The following ULK4 variants were observed in gnomAD, a reference collection of about 807,000 sequenced individuals.
ULK4 encodes the protein unc-51 like kinase 4.
A neutral mutation model predicts 160.6 loss-of-function variants in ULK4; 133 were observed. The observed-to-expected ratio is 0.83, with a 90% CI of 0.72 to 0.96. The LOEUF (loss-of-function observed/expected upper bound fraction) is 0.96, where lower values mean the gene tolerates loss of function less well. ULK4 is among the 40% of genes least tolerant of loss of function. ULK4 has a pLI of 0.00. For missense variants in ULK4, 1,580 were observed against 1,499.5 expected (o/e 1.05, Z -0.89); for synonymous variants, 534 against 539.8 (o/e 0.99, Z 0.15).
At position 41,927,179 on chromosome 3, in the gene ULK4, T is replaced by C. The variant is rs1005343166; in HGVS notation, c.541+4665A>G. On this transcript the variant is annotated intron_variant, in intron 5 of 36. Coordinates refer to ENST00000301831, the MANE Select transcript of ULK4 (RefSeq NM_017886.4). ...AAAAACTCTACAAGCCAGAAAAGAG[T>C]GGGGGTCAATATTCAACATTCTTAA... is the stretch of plus-strand genomic sequence containing the variant. Among the ~76,000 whole-genome samples, 3 of 152,080 alleles carry C rather than the reference T, an allele frequency of 2.0e-5. No homozygotes were observed. In the East Asian group the frequency reaches 5.8e-4, roughly 29 times the overall value.
At chr3:41,380,944 C>A (rs1456880193) in intron 35 of ULK4, among the ~76,000 whole-genome samples, 1 of 152,134 alleles carries the variant, frequency 6.6e-6, no homozygotes, top group East Asian at 1.9e-4. Context: ...TGCCCCTGAG[C>A]TGCTGGGCCT....
intron 35 of ULK4, among the ~76,000 whole-genome samples, chr3:41,354,285 C>T (rs1249111916): frequency 2.6e-5 from 4 of 152,138 alleles, no homozygotes; most frequent in Non-Finnish European, 4.4e-5. Flanking sequence ...ATGTTGATAT[C>T]ATGAACTCAT....
chr3:41,506,647 C>T (rs1005925825), intron 32 of ULK4, among the ~76,000 whole-genome samples: 1 of 150,540 alleles, frequency 6.6e-6, no homozygotes, highest in Admixed American at 6.6e-5. Context: ...CTCTCTATTC[C>T]TGACTTTCGA....
chr3:41,838,720 C>A (rs900100304), intron 17 of ULK4, among the ~76,000 whole-genome samples: 1 of 152,150 alleles, frequency 6.6e-6, no homozygotes, highest in East Asian at 1.9e-4. Context: ...TATCACTCAA[C>A]AAAAGAGCTG....
intron 30 of ULK4, among the ~76,000 whole-genome samples, chr3:41,619,064 C>T (rs2033118621): frequency 6.6e-6 from 1 of 151,936 alleles, no homozygotes; most frequent in Non-Finnish European, 1.5e-5. Context: ...GGGATCAATG[C>T]AACAAGAAGA....
At chr3:41,927,162 T>C (rs193287346) in intron 5 of ULK4, among the ~76,000 whole-genome samples, 399 of 152,274 alleles carry the variant, frequency 2.6e-3, no homozygotes, top group Non-Finnish European at 4.4e-3. Flanking sequence ...GCAAAAACTC[T>C]ACAAGCCAGA....
At chr3:41,775,148 C>T (rs192831645) in intron 21 of ULK4, among the ~76,000 whole-genome samples, 9 of 149,606 alleles carry the variant, frequency 6.0e-5, no homozygotes, top group Non-Finnish European at 1.0e-4. Flanking sequence ...GTGCAGCACA[C>T]CAACATGGCA....
At chr3:41,455,339 G>A (rs1433323032) in intron 34 of ULK4, among the ~76,000 whole-genome samples, 158 bp downstream of exon 34, 1 of 152,198 alleles carries the variant, frequency 6.6e-6, no homozygotes, top group African/African-American at 2.4e-5. Flanking sequence ...AAATAAAGTA[G>A]AGATTTAGTT....
At chr3:41,956,255 A>C (rs1443486395) in intron 1 of ULK4, among the ~76,000 whole-genome samples, 10 of 152,196 alleles carry the variant, frequency 6.6e-5, no homozygotes, top group Admixed American at 5.2e-4. Context: ...GACTGCAACC[A>C]ATAGACCGAT....
At chr3:41,784,498 T>G (rs753376062) in intron 21 of ULK4, among the ~76,000 whole-genome samples, 6 of 152,342 alleles carry the variant, frequency 3.9e-5, no homozygotes, top group Middle Eastern at 3.4e-3. Context: ...TTACTTTGAT[T>G]TTTAATCAAA....
At chr3:41,593,692 T>C (rs1305308908) in intron 31 of ULK4, among the ~76,000 whole-genome samples, 6 of 152,180 alleles carry the variant, frequency 3.9e-5, no homozygotes, top group Non-Finnish European at 8.8e-5. Context: ...CTTTATATTT[T>C]AGTTTTTATA....
chr3:41,833,526 G>T (rs2041661123), intron 18 of ULK4, among the ~76,000 whole-genome samples: 1 of 152,006 alleles, frequency 6.6e-6, no homozygotes, highest in Non-Finnish European at 1.5e-5. Flanking sequence ...TTGATCTCCT[G>T]ACCTCATGAT....
intron 34 of ULK4, among the ~76,000 whole-genome samples, chr3:41,427,859 A>G (rs2082812163): frequency 6.6e-6 from 1 of 150,856 alleles, no homozygotes; most frequent in Non-Finnish European, 1.5e-5. Flanking sequence ...AAAAACTGGC[A>G]CAAGACAAGG....
At chr3:41,878,165 T>C (rs560317253) in intron 17 of ULK4, among the ~76,000 whole-genome samples, 32 of 150,284 alleles carry the variant, frequency 2.1e-4, no homozygotes, top group African/African-American at 6.4e-4. Context: ...AGATTCCTTA[T>C]AGAAGTGGTT....
At position 41,615,722 on chromosome 3, in the gene ULK4, T is replaced by C. The variant is rs918155117; in HGVS notation, c.3072-5A>G. On this transcript the variant is annotated splice_region_variant and splice_polypyrimidine_tract_variant and intron_variant, in intron 30 of 36. Coordinates refer to ENST00000301831, the MANE Select transcript of ULK4 (RefSeq NM_017886.4). The stretch of plus-strand genomic sequence containing the variant: ...AGTTTGCTTTCTTCCACAAGTCTGT[T>C]AAAAACAAGAAAAAAAGATAAGTGC... 7 of 1,611,732 alleles carry C rather than the reference T, an allele frequency of 4.3e-6. No individual in the cohort carries two copies. The East Asian group carries it at 1.3e-4, about 31-fold the overall frequency.
At chr3:41,846,142 T>C (rs1327621482) in intron 17 of ULK4, among the ~76,000 whole-genome samples, 3 of 152,168 alleles carry the variant, frequency 2.0e-5, no homozygotes, top group Non-Finnish European at 4.4e-5. Context: ...CAACCTCACA[T>C]CTCACTTGCA....
At chr3:41,460,249 TC>T (rs1169156038) in intron 33 of ULK4, among the ~76,000 whole-genome samples, 1 of 152,002 alleles carries the variant, frequency 6.6e-6, no homozygotes, top group Non-Finnish European at 1.5e-5. Context: ...GTAACAAACT[TC>T]CCCATACCAC....
chr3:41,798,436 G>A (rs188051938), intron 20 of ULK4, among the ~76,000 whole-genome samples: 5 of 152,242 alleles, frequency 3.3e-5, no homozygotes, highest in African/African-American at 7.2e-5. Context: ...TGTGGCTCCT[G>A]AAACAGACGT....
At chr3:41,705,851 A>G (rs1365176213) in intron 25 of ULK4, among the ~76,000 whole-genome samples, 1 of 152,208 alleles carries the variant, frequency 6.6e-6, no homozygotes, top group African/African-American at 2.4e-5. Flanking sequence ...TGAGAATAAT[A>G]TAACTGATAC....
Sources: allele counts gnomAD v4.1 joint callset (sites outside exome capture counted in the v4.1 genomes callset), GRCh38; gene constraint gnomAD v4.1.1; transcripts MANE v1.5; gene names NCBI Gene and HGNC (gene_info 2026-07-23, HGNC 2026-07-21).